The following GLMN variants were observed in gnomAD, a reference collection of about 807,000 sequenced individuals.
GLMN encodes the protein glomulin.
GLMN carries 75 observed loss-of-function variants against 87.8 expected under a neutral mutation model. That is an observed-to-expected ratio of 0.85 (90% CI 0.71 to 1.04). The LOEUF is 1.04. Ranked by LOEUF, GLMN falls within the 50% of genes least tolerant of loss-of-function variation. GLMN has a pLI of 0.00. For missense variants in GLMN, 588 were observed against 658.8 expected (o/e 0.89, Z 1.18); for synonymous variants, 206 against 221.6 (o/e 0.93, Z 0.63).
chr1:92,260,765 G>A (rs1247305869), intron 16 of GLMN, among the ~76,000 whole-genome samples: 76 of 100,044 alleles, frequency 7.6e-4, no homozygotes, highest in East Asian at 1.3e-3. Context: ...CTTTGAGATG[G>A]AAAAAAAAAA....
intron 11 of GLMN, among the ~76,000 whole-genome samples, chr1:92,267,209 T>C (rs1250440773): frequency 6.6e-6 from 1 of 152,146 alleles, no homozygotes; most frequent in African/African-American, 2.4e-5. Flanking sequence ...TTAGTCTTTC[T>C]GGTAATGAGT....
At chr1:92,314,172 T>C in the GLMN span, among the ~76,000 whole-genome samples, 4 of 152,212 alleles carry the variant, frequency 2.6e-5, no homozygotes, top group Non-Finnish European at 4.4e-5. Flanking sequence ...ACTGGCAAAA[T>C]AGGCCTAGCT....
intron 7 of GLMN, 128 bp from the exon 8 acceptor site, chr1:92,271,780 A>G: frequency 4.4e-6 from 3 of 687,382 alleles, no homozygotes; most frequent in East Asian, 2.6e-5. Flanking sequence ...AGTGGGACCT[A>G]TGAGACTTGC....
chr1:92,314,179 A>G, the GLMN span, among the ~76,000 whole-genome samples: 1 of 152,222 alleles, frequency 6.6e-6, no homozygotes, highest in Admixed American at 6.5e-5. Context: ...AAATAGGCCT[A>G]GCTTTTGGCC....
the GLMN span, among the ~76,000 whole-genome samples, chr1:92,309,214 G>C: frequency 1.3e-5 from 2 of 152,118 alleles, no homozygotes; most frequent in Admixed American, 6.6e-5. Flanking sequence ...GAGGCCGAGG[G>C]GGGCAGATCA....
chr1:92,258,890 A>C (rs1345648157), intron 16 of GLMN, among the ~76,000 whole-genome samples: 3 of 152,238 alleles, frequency 2.0e-5, no homozygotes. Flanking sequence ...CCAGAACTTA[A>C]AAGTATTGAA....
rs199866725 is a variant in GLMN, at chr1:92,297,470, C to A, written c.99G>T (p.Gly33=). The A allele has an allele frequency of 1.3e-5, 21 of 1,611,438 alleles. No homozygotes were observed. In the Admixed American group the frequency reaches 2.3e-4, roughly 18 times the overall value. Residue 33 remains glycine, a synonymous_variant, in exon 3 of 19, where the codon GGG becomes GGT. Transcript: ENST00000370360. ...EEDFGLFQLA[G]QRCIEEGHTD... ...TGTGCCCTTCTTCTATGCATCTTTG[C>A]CCAGCTAACTGAAATAGGCCAAAAT...
the GLMN span, among the ~76,000 whole-genome samples, chr1:92,357,240 A>G: frequency 6.6e-6 from 1 of 152,158 alleles, no homozygotes; most frequent in Admixed American, 6.5e-5. Flanking sequence ...AGGTTGAGGA[A>G]AGGGAGAAAT....
At chr1:92,345,802 A>G in the GLMN span, 1 of 1,192,702 alleles carries the variant, frequency 8.4e-7, no homozygotes, top group African/African-American at 1.5e-5. Flanking sequence ...TAGAAAGTTT[A>G]TTTAAAGGTA....
chr1:92,337,037 A>G, the GLMN span, among the ~76,000 whole-genome samples: 1 of 152,158 alleles, frequency 6.6e-6, no homozygotes, highest in Admixed American at 6.5e-5. Context: ...AAGCATAGCA[A>G]TAAGCCTCTA....
In GLMN at chr1:92,263,867, T is replaced by C. The variant is rs371050305; in HGVS notation, c.1300-135A>G. ...TTTAACTTTAATTTCCGTACTTTCA[T>C]TCACTTTCCAGACACCAGGAACGAA... On this transcript the variant is annotated intron_variant, in intron 14 of 18. Coordinates refer to ENST00000370360, the MANE Select transcript of GLMN (RefSeq NM_053274.3). The C allele has an allele frequency of 4.4e-6, 3 of 679,052 alleles. No individual in the cohort carries two copies. In the East Asian group the frequency reaches 8.2e-5, roughly 18 times the overall value. The allele number at this position is 679,052 out of a possible 1,614,324, so 42.1% of individuals were successfully genotyped here.
chr1:92,281,432 C>T (rs994693726), intron 7 of GLMN, among the ~76,000 whole-genome samples: 1 of 152,094 alleles, frequency 6.6e-6, no homozygotes, highest in Non-Finnish European at 1.5e-5. Flanking sequence ...AGATTTTTGT[C>T]ACCACCAGGC....
intron 3 of GLMN, among the ~76,000 whole-genome samples, chr1:92,295,672 G>A (rs1235113218): frequency 6.6e-6 from 1 of 152,152 alleles, no homozygotes; most frequent in African/African-American, 2.4e-5. Flanking sequence ...GTAGAGCAGA[G>A]TGGTTAGGAG....
At chr1:92,254,102 C>T (rs915166571) in intron 16 of GLMN, among the ~76,000 whole-genome samples, 11 of 152,076 alleles carry the variant, frequency 7.2e-5, no homozygotes, top group Admixed American at 5.9e-4. Context: ...AAACACAGCA[C>T]AAGAACTTCG....
At chr1:92,259,859 G>C (rs763074394) in intron 16 of GLMN, among the ~76,000 whole-genome samples, 2 of 145,978 alleles carry the variant, frequency 1.4e-5, no homozygotes, top group Non-Finnish European at 3.0e-5. Flanking sequence ...TCAGCCTCCC[G>C]AGTAGCTGGA....
chr1:92,314,900 C>A, the GLMN span, among the ~76,000 whole-genome samples: 11 of 151,470 alleles, frequency 7.3e-5, no homozygotes, highest in Admixed American at 7.2e-4. Flanking sequence ...CAAAAATTAA[C>A]CGGGCATGGT....
chr1:92,283,268 G>T (rs749758635), intron 7 of GLMN, among the ~76,000 whole-genome samples: 3 of 152,054 alleles, frequency 2.0e-5, no homozygotes, highest in African/African-American at 7.2e-5. Context: ...AATCTTATGC[G>T]CCACAATCAA....
Position 92,246,428 on chromosome 1 carries a change from T to G in GLMN, c.*102A>C, listed in dbSNP as rs1035088642. ...AAATGAGAAAAGCTACATTTATTTT[T>G]CAAGCAGTAAATTTTTACAGAAAAA... On this transcript the variant is annotated 3_prime_UTR_variant, in exon 19 of 19. Coordinates refer to ENST00000370360, the MANE Select transcript of GLMN (RefSeq NM_053274.3). The G allele has an allele frequency of 1.8e-5, 12 of 659,200 alleles. No individual in the cohort carries two copies. The highest frequency in any genetic ancestry group is 2.5e-5 in the Non-Finnish European group (9 of 366,826). The allele number at this position is 659,200 out of a possible 1,614,324, so 40.8% of individuals were successfully genotyped here.
At chr1:92,267,082 T>A (rs1655724694) in intron 11 of GLMN, among the ~76,000 whole-genome samples, 1 of 152,254 alleles carries the variant, frequency 6.6e-6, no homozygotes, top group South Asian at 2.1e-4. Context: ...CATGTTTTTC[T>A]ATTTAAATAT....
Sources: allele counts gnomAD v4.1 joint callset (sites outside exome capture counted in the v4.1 genomes callset), GRCh38; gene constraint gnomAD v4.1.1; transcripts MANE v1.5; gene names NCBI Gene and HGNC (gene_info 2026-07-23, HGNC 2026-07-21).